Variants in SPTB observed in about 807,000 individuals in gnomAD.
SPTB encodes the protein spectrin beta chain, erythrocytic.
In SPTB, 45 loss-of-function variants were observed where a neutral mutation model predicts 256.2. That is an observed-to-expected ratio of 0.18 (90% confidence interval 0.14 to 0.23). The LOEUF is 0.23. Among genes scored for constraint, SPTB ranks in the 10% least tolerant of loss-of-function variants. The probability of loss-of-function intolerance (pLI) is 1.00; values close to 1 mark genes in which losing one functional copy is unlikely to be tolerated. For synonymous variants in SPTB, 1,231 were observed against 1,243.1 expected, an observed-to-expected ratio of 0.99 and a Z score of 0.21; for missense variants, 2,715 against 3,040.4, an observed-to-expected ratio of 0.89 and a Z score of 2.52.
intron 2 of SPTB, among the ~76,000 whole-genome samples, chr14:64,813,841 T>C (rs2083137898): frequency 6.6e-6 from 1 of 152,236 alleles, no homozygotes; most frequent in African/African-American, 2.4e-5. Flanking sequence ...AGCCATACTT[T>C]AACTGCCATG....
intron 10 of SPTB, among the ~76,000 whole-genome samples, chr14:64,797,083 T>C (rs1387970064): frequency 6.6e-6 from 1 of 152,206 alleles, no homozygotes; most frequent in African/African-American, 2.4e-5. Context: ...TGAAATGTCA[T>C]AGGCATTTCC....
In SPTB at chr14:64,747,572, A is replaced by G. The variant is rs1286986831; in HGVS notation, c.*1734T>C. 1 of 152,416 alleles carries G rather than the reference A, an allele frequency of 6.6e-6. No homozygotes were observed. Among genetic ancestry groups the G allele is most frequent in the East Asian group, 1.9e-4 (1 of 5,180 alleles). 9.4% of individuals were successfully genotyped at this position (152,416 alleles called of 1,614,324 possible). Reference sequence around the variant, plus strand: ...GCTGCAGTTGGTGTCACCCTGACATATAGTGTCAGGGCCACAGGGTGGAAC... The same window carrying G: ...GCTGCAGTTGGTGTCACCCTGACATGTAGTGTCAGGGCCACAGGGTGGAAC... On this transcript the variant is annotated 3_prime_UTR_variant, in exon 36 of 36. Transcript: ENST00000644917.
Position 64,793,407 on chromosome 14 carries a change from C to T in SPTB, c.2256G>A (p.Ala752=), listed in dbSNP as rs547653626. 245 of 1,613,530 alleles carry T rather than the reference C, an allele frequency of 1.5e-4. 4 individuals are homozygous for T. In the South Asian group the frequency reaches 2.2e-3, roughly 15 times the overall value. The change falls in exon 14 of 36, where the codon GCG becomes GCA. Residue 752 remains alanine (A), a synonymous_variant. Coordinates refer to ENST00000644917, the MANE Select transcript of SPTB (RefSeq NM_001355436.2). The surrounding 1 kb of genome is among the most constrained non-coding windows in gnomAD (Gnocchi z 7.0). ...AENFFQFQGD[A]DDLKAWLQDA... ...CTTGCAGCCAAGCCTTCAGGTCATC[C>T]GCATCGCCCTGGAACTGGAAAAAGT...
intron 2 of SPTB, among the ~76,000 whole-genome samples, chr14:64,814,469 T>C (rs531395194): frequency 6.6e-6 from 1 of 152,280 alleles, no homozygotes; most frequent in African/African-American, 2.4e-5. Flanking sequence ...TATATATTCT[T>C]GTTAATAAAA....
intron 26 of SPTB, 87 bp from the exon 27 acceptor site, chr14:64,771,216 C>T: frequency 6.3e-7 from 1 of 1,591,732 alleles, no homozygotes; most frequent in East Asian, 2.2e-5. Context: ...GCTACCTCCT[C>T]CTGGCCTCCC....
At position 64,767,348 on chromosome 14, in the gene SPTB, T is replaced by A; in HGVS notation, c.6224A>T (p.Glu2075Val). Residue 2075 changes from glutamate (E) to valine (V), a missense_variant, in exon 31 of 36, where the codon GAG (glutamate) becomes GTG (valine). Transcript: ENST00000644917. ...CTCTGCAATCTGGCGTTCTTTCAGC[T>A]CAAGCTAGAGGAGGAGAAGGCCCAG... ...FAALEKPTTL[E>V]LKERQIAERP... The A allele has an allele frequency of 6.2e-7, 1 of 1,614,000 alleles. No homozygotes were observed. The highest frequency in any genetic ancestry group is 8.5e-7 in the Non-Finnish European group (1 of 1,180,012).
At chr14:64,832,390 T>C (rs1452397451) in intron 1 of SPTB, among the ~76,000 whole-genome samples, 1 of 152,248 alleles carries the variant, frequency 6.6e-6, no homozygotes, top group Non-Finnish European at 1.5e-5. Context: ...TTCTTAACTT[T>C]GTGGCCCTTC....
At chr14:64,753,173 G>A (rs1016138948) in intron 33 of SPTB, among the ~76,000 whole-genome samples, 1 of 152,162 alleles carries the variant, frequency 6.6e-6, no homozygotes, top group African/African-American at 2.4e-5. Flanking sequence ...CCCTAGCCCT[G>A]GGATAATAGG....
At chr14:64,830,022 A>G (rs2083428785) in intron 1 of SPTB, among the ~76,000 whole-genome samples, 1 of 152,086 alleles carries the variant, frequency 6.6e-6, no homozygotes, top group Admixed American at 6.6e-5. Flanking sequence ...CTCTTCTCAG[A>G]TGTCGCTTCC....
At chr14:64,774,604 C>G (rs1479927445) in intron 23 of SPTB, 77 bp from the exon 24 acceptor site, 4 of 1,546,574 alleles carry the variant, frequency 2.6e-6, no homozygotes, top group Non-Finnish European at 3.5e-6. Context: ...GCCCCCACTC[C>G]TGGAGGTGCC....
chr14:64,784,570 A>G (rs1414873222), intron 18 of SPTB, among the ~76,000 whole-genome samples, 177 bp from the exon 19 acceptor site: 1 of 152,238 alleles, frequency 6.6e-6, no homozygotes. Flanking sequence ...TTTACCCATG[A>G]CAGGCCAGGG....
rs773780733 is a variant in SPTB at position 64,770,908 on chromosome 14, C to A, written c.5775G>T (p.Gln1925His). Residue 1925 changes from glutamine (Q) to histidine (H), a missense_variant, in exon 27 of 36, where the codon CAG becomes CAT. This residue lies in a region of SPTB where 2,239 missense variants were observed against 2,384.4 expected (regional missense o/e 0.94). Coordinates refer to ENST00000644917, the MANE Select transcript of SPTB (RefSeq NM_001355436.2). ...LLSWMESIIR[Q>H]IETQERPRDV... The stretch of plus-strand genomic sequence containing the variant: ...ACCTGGGCCTCTCCTGGGTCTCGAT[C>A]TGCCGGATGATGCTCTCCATCCAGG... The A allele has an allele frequency of 8.1e-6, 13 of 1,614,006 alleles. No individual in the cohort carries two copies. The highest frequency in any genetic ancestry group is 1.1e-5 in the Non-Finnish European group (13 of 1,180,034).
intron 2 of SPTB, among the ~76,000 whole-genome samples, chr14:64,820,911 C>G (rs575636126): frequency 6.6e-6 from 1 of 152,144 alleles, no homozygotes; most frequent in African/African-American, 2.4e-5. Context: ...CTCCTGGTCT[C>G]AAGCCATACA....
intron 33 of SPTB, among the ~76,000 whole-genome samples, chr14:64,753,251 T>C (rs1471186904): frequency 2.0e-5 from 3 of 152,162 alleles, no homozygotes; most frequent in South Asian, 2.1e-4. Context: ...TGAAAAGACA[T>C]ACTGTTCTCA....
chr14:64,851,547 T>C (rs2083786786), intron 1 of SPTB, among the ~76,000 whole-genome samples: 1 of 152,020 alleles, frequency 6.6e-6, no homozygotes, highest in Non-Finnish European at 1.5e-5. Context: ...ATCCCATTAT[T>C]TGGGCTCATT....
At chr14:64,829,649 G>A (rs891321210) in intron 1 of SPTB, among the ~76,000 whole-genome samples, 2 of 152,198 alleles carry the variant, frequency 1.3e-5, no homozygotes, top group Non-Finnish European at 2.9e-5. Flanking sequence ...TTGACTTGGA[G>A]TGATCTACTT....
Position 64,759,582 on chromosome 14 carries a change from C to T in SPTB, c.6346-5789G>A, listed in dbSNP as rs907527769. Among the ~76,000 whole-genome samples the T allele has an allele frequency of 6.6e-6, 1 of 152,186 alleles. No individual in the cohort carries two copies. Among genetic ancestry groups the T allele is most frequent in the African/African-American group, 2.4e-5 (1 of 41,444 alleles). ...AGGCGAGATCTATGGACAGAGAGCA[C>T]CAGGAGGGGCGATGCTGGCTACTCA... On this transcript the variant is annotated intron_variant, in intron 32 of 35. Coordinates refer to ENST00000644917, the MANE Select transcript of SPTB (RefSeq NM_001355436.2). The surrounding 1 kb of genome is among the most constrained non-coding windows in gnomAD (Gnocchi z 4.8).
At position 64,763,070 on chromosome 14, in the gene SPTB, G is replaced by C. The variant is rs80185304; in HGVS notation, c.6345+3656C>G. Among the ~76,000 whole-genome samples the C allele has an allele frequency of 2.8e-3, 431 of 152,304 alleles. 4 individuals carry two copies. Among genetic ancestry groups the C allele is most frequent in the East Asian group, 0.027 (141 of 5,184 alleles). ...GCTGTGCACTAGGGACCTTTAGCCT[G>C]GGGGGACTTGCAGCATCATCAACAC... On this transcript the variant is annotated intron_variant, in intron 32 of 35. Coordinates refer to ENST00000644917, the MANE Select transcript of SPTB (RefSeq NM_001355436.2).
In SPTB at chr14:64,785,843, C is replaced by A; in HGVS notation, c.3670G>T (p.Val1224Phe). The A allele has an allele frequency of 6.2e-7, 1 of 1,614,118 alleles. No individual in the cohort carries two copies. Among genetic ancestry groups the A allele is most frequent in the South Asian group, 1.1e-5 (1 of 91,084 alleles). ...LGSMENNRDKVLSPVDSGNKL... is the reference protein window; with the variant it reads ...LGSMENNRDKFLSPVDSGNKL... Reference sequence around the variant, plus strand: ...TTTCCAGAGTCCACAGGACTCAAGACCTTATCCCGGTTGTTCTCCATAGAC... The same window carrying A: ...TTTCCAGAGTCCACAGGACTCAAGAACTTATCCCGGTTGTTCTCCATAGAC... Residue 1224 changes from valine to phenylalanine, a missense_variant, in exon 17 of 36, where the codon GTC becomes TTC. Coordinates refer to ENST00000644917, the MANE Select transcript of SPTB (RefSeq NM_001355436.2). The surrounding 1 kb of genome is among the most constrained non-coding windows in gnomAD (Gnocchi z 4.4).
Sources: allele counts gnomAD v4.1 joint callset (sites outside exome capture counted in the v4.1 genomes callset), GRCh38; gene constraint gnomAD v4.1.1; regional missense constraint gnomAD v4.1.1; non-coding constraint Gnocchi (gnomAD v3.1); transcripts MANE v1.5; gene names NCBI Gene and HGNC (gene_info 2026-07-23, HGNC 2026-07-21).